Variants in SFR1 observed in about 807,000 individuals in gnomAD.
SFR1 encodes the protein swi5-dependent recombination DNA repair protein 1 homolog.
A neutral mutation model predicts 26.2 loss-of-function variants in SFR1; 24 were observed. The ratio of observed to expected loss-of-function variants is 0.92; its 90% CI spans 0.66 to 1.29. The LOEUF (loss-of-function observed/expected upper bound fraction) is 1.29. SFR1 is among the 50% of genes most tolerant of loss of function. The probability of loss-of-function intolerance (pLI) is 0.00; values close to 1 mark genes in which losing one functional copy is unlikely to be tolerated. For synonymous variants in SFR1, 77 were observed against 96.6 expected (o/e 0.80, Z 1.19); for missense variants, 276 against 270.2 (o/e 1.02, Z -0.15).
chr10:104,123,778 A>G lies in SFR1; in HGVS notation c.200A>G (p.Asn67Ser), dbSNP rs765214852. ...KTRFSFNSSY[N>S]VVKRLKVESE... ...AGATTTTCATTTAATTCCTCTTACA[A>G]TGTGGTGAAACGTCTTAAAGTAGAG... The change falls in exon 3 of 4, where the codon AAT becomes AGT. Residue 67 changes from asparagine (N) to serine (S), a missense_variant. Physicochemically the swap from Asn to Ser is conservative, Grantham distance 46 (BLOSUM62 1). Coordinates refer to ENST00000369727, the MANE Select transcript of SFR1 (RefSeq NM_001002759.2). 128 of 1,610,598 alleles carry G rather than the reference A, an allele frequency of 7.9e-5. No homozygotes were observed. The highest frequency in any genetic ancestry group is 1.1e-4 in the Non-Finnish European group (124 of 1,179,016).
chr10:104,126,144 C>T lies in SFR1; in HGVS notation c.*440C>T, dbSNP rs569501228. 4 of 152,772 alleles carry T rather than the reference C, an allele frequency of 2.6e-5. No homozygotes were observed. Among genetic ancestry groups the T allele is most frequent in the South Asian group, 2.1e-4 (1 of 4,836 alleles). 9.5% of individuals were successfully genotyped at this position (152,772 alleles called of 1,614,324 possible). On this transcript the variant is annotated 3_prime_UTR_variant, in exon 4 of 4. Coordinates refer to ENST00000369727, the MANE Select transcript of SFR1 (RefSeq NM_001002759.2). ...AGTATTTTGGATAGATTTGTCAAAA[C>T]GACATTTAAGTCATGTTTAAAAAGT...
At chr10:104,122,159 G>A (rs1160998328), upstream of SFR1, 3 of 1,547,860 alleles carry the variant, frequency 1.9e-6, no homozygotes, top group Admixed American at 2.0e-5. Context: ...CCGCAGGTGC[G>A]CGCGCTTTTT....
At chr10:104,123,499 T>G (rs1209812031) in intron 2 of SFR1, 7 of 445,010 alleles carry the variant, frequency 1.6e-5, no homozygotes, top group Non-Finnish European at 2.8e-5. Flanking sequence ...TCAACACTTT[T>G]GGAAAGGTGT....
Position 104,125,590 on chromosome 10 carries a change from A to T in SFR1, c.624A>T (p.Ser208=), listed in dbSNP as rs529336619. 1 of 1,613,838 alleles carries T rather than the reference A, an allele frequency of 6.2e-7. No homozygotes were observed. The highest frequency in any genetic ancestry group is 1.7e-5 in the Admixed American group (1 of 60,010). Residue 208 remains serine, a synonymous_variant, in exon 4 of 4, where the codon TCA becomes TCT. Transcript: ENST00000369727. ...AGCTCTTGCTTTATGAGTTGCAGTCAGCTGTGTCTGAAGAGAACAAGAAAC... is the reference window on the plus strand; with the variant it reads ...AGCTCTTGCTTTATGAGTTGCAGTCTGCTGTGTCTGAAGAGAACAAGAAAC... ...CSQLLLYELQ[S]AVSEENKKLS...
At chr10:104,122,778 G>C (rs982035954) in intron 1 of SFR1, 187 bp from the exon 2 acceptor site, 1 of 1,502,474 alleles carries the variant, frequency 6.7e-7, no homozygotes, top group African/African-American at 1.4e-5. Context: ...GAAAAACTTA[G>C]TGGTCCCTAT....
In SFR1 at chr10:104,123,067, C is replaced by A; in HGVS notation, c.116C>A (p.Thr39Lys). 1 of 1,572,744 alleles carries A rather than the reference C, an allele frequency of 6.4e-7. No homozygotes were observed. The highest frequency in any genetic ancestry group is 8.6e-7 in the Non-Finnish European group (1 of 1,162,894). ...TCTGCGAATCCATCATCTCCCTATA[C>A]AAATAGTTCCCGAAAACAAGTATGA... The part of the protein sequence containing the change: ...QASANPSSPY[T>K]NSSRKQPMSA... The change falls in exon 2 of 4, where the codon ACA becomes AAA. Residue 39 changes from threonine to lysine, a missense_variant. Transcript: ENST00000369727.
In SFR1 at chr10:104,122,855, A is replaced by G. The variant is rs973182558; in HGVS notation, c.14-110A>G. On this transcript the variant is annotated intron_variant, in intron 1 of 3. Transcript: ENST00000369727. ...ATTACAAAGTGAAATTAGAAGAAAT[A>G]TCTGGCTTACTTGTGGATGCTTTGT... 15 of 1,551,804 alleles carry G rather than the reference A, an allele frequency of 9.7e-6. No individual in the cohort carries two copies. The African/African-American group carries it at 2.0e-4, about 21-fold the overall frequency.
Position 104,122,243 on chromosome 10 carries a change from C to T in SFR1, c.13+47C>T, listed in dbSNP as rs370401225. On this transcript the variant is annotated intron_variant, in intron 1 of 3. Coordinates refer to ENST00000369727, the MANE Select transcript of SFR1 (RefSeq NM_001002759.2). ...GGGATCCCTGACACCTGGGCTTCCC[C>T]GGGAGTCGGCTGTGGAGTCGAGTTG... The T allele has an allele frequency of 6.0e-6, 9 of 1,512,488 alleles. No individual in the cohort carries two copies. The African/African-American group carries it at 8.5e-5, about 14-fold the overall frequency. 93.7% of individuals were successfully genotyped at this position (1,512,488 alleles called of 1,614,324 possible).
chr10:104,124,065 G>C lies in SFR1; in HGVS notation c.487G>C (p.Val163Leu). ...NAEKAKLVKQ[V>L]QEKEDLLRRL... ...TGAAAAAGCCAAATTGGTGAAGCAGGTTCAGGAGAAAGAAGACCTTCTTCG... is the reference window on the plus strand; with the variant it reads ...TGAAAAAGCCAAATTGGTGAAGCAGCTTCAGGAGAAAGAAGACCTTCTTCG... Residue 163 changes from valine to leucine, a missense_variant, in exon 3 of 4, where the codon GTT becomes CTT. Physicochemically the swap from Val to Leu is conservative, Grantham distance 32. Coordinates refer to ENST00000369727, the MANE Select transcript of SFR1 (RefSeq NM_001002759.2). 6.2e-7 allele frequency: 1 copy of C among 1,613,808 alleles called. No individual in the cohort carries two copies. Among genetic ancestry groups the C allele is most frequent in the African/African-American group, 1.3e-5 (1 of 75,044 alleles).
In SFR1 at chr10:104,123,167, G is replaced by C. The variant is rs543899036; in HGVS notation, c.135+81G>C. 39 of 1,123,402 alleles carry C rather than the reference G, an allele frequency of 3.5e-5. No homozygotes were observed. In the African/African-American group the frequency reaches 5.8e-4, roughly 17 times the overall value. The allele number at this position is 1,123,402 out of a possible 1,614,324, so 69.6% of individuals were successfully genotyped here. A position where few individuals can be genotyped will look rare whatever the true frequency, so the allele number is the denominator to read the frequency against. On this transcript the variant is annotated intron_variant, in intron 2 of 3. Coordinates refer to ENST00000369727, the MANE Select transcript of SFR1 (RefSeq NM_001002759.2). ...CAGTGGTGGTTTAAATTCTACGGAA[G>C]GTTGTTAATTAACATAATGTGTAGC... is the stretch of plus-strand genomic sequence containing the variant.
chr10:104,121,697 G>A (rs1284615662), upstream of SFR1, among the ~76,000 whole-genome samples: 3 of 152,206 alleles, frequency 2.0e-5, no homozygotes, highest in Non-Finnish European at 4.4e-5. Context: ...GGAGGCGGCG[G>A]GCTGGCGGGG....
chr10:104,125,021 T>G (rs1041492151), intron 3 of SFR1, among the ~76,000 whole-genome samples: 8 of 152,310 alleles, frequency 5.3e-5, no homozygotes, highest in Admixed American at 2.0e-4. Flanking sequence ...CAGTGTAGTC[T>G]TGAACTCCTG....
At chr10:104,121,110 G>T (rs1241827162), upstream of SFR1, among the ~76,000 whole-genome samples, 6 of 150,820 alleles carry the variant, frequency 4.0e-5, no homozygotes, top group South Asian at 2.1e-4. Flanking sequence ...GCGGGGCGCG[G>T]GGGGGGGATT....
chr10:104,124,552 A>AAT (rs60412949), intron 3 of SFR1, among the ~76,000 whole-genome samples: 2,385 of 147,758 alleles, frequency 0.016, 27 homozygotes, highest in Non-Finnish European at 0.018. Context: ...TATTTGAGAA[A>AAT]ATATATATAT....
intron 3 of SFR1, among the ~76,000 whole-genome samples, chr10:104,124,603 T>A (rs2087005820): frequency 6.6e-6 from 1 of 151,086 alleles, no homozygotes; most frequent in South Asian, 2.1e-4. Context: ...ATAGGTTGAA[T>A]TAAATAGAAC....
chr10:104,122,159 G>T (rs1160998328), upstream of SFR1: 7 of 1,547,860 alleles, frequency 4.5e-6, no homozygotes, highest in South Asian at 8.3e-5. Flanking sequence ...CCGCAGGTGC[G>T]CGCGCTTTTT....
chr10:104,121,193 A>C (rs528452590), upstream of SFR1, among the ~76,000 whole-genome samples: 9 of 152,140 alleles, frequency 5.9e-5, no homozygotes, highest in East Asian at 1.7e-3. Context: ...TTTTGGACCG[A>C]CACAATCTCA....
At chr10:104,123,266 C>T (rs1003553853) in intron 2 of SFR1, 180 bp downstream of exon 2, 1 of 515,462 alleles carries the variant, frequency 1.9e-6, no homozygotes, top group Non-Finnish European at 3.4e-6. Flanking sequence ...CACCAGCCCC[C>T]TTCCATATTT....
Position 104,123,882 on chromosome 10 carries a change from T to G in SFR1, c.304T>G (p.Phe102Val). ...AAACTGTTTGGAATTTCAAGAAAGT[T>G]TTAAACATATAGACAGTGAATTTGA... is the stretch of plus-strand genomic sequence containing the variant. Reference protein sequence around the residue: ...EENCLEFQESFKHIDSEFEEN... With the variant: ...EENCLEFQESVKHIDSEFEEN... The change falls in exon 3 of 4, where the codon TTT becomes GTT. Residue 102 changes from phenylalanine to valine, a missense_variant. Coordinates refer to ENST00000369727, the MANE Select transcript of SFR1 (RefSeq NM_001002759.2). The G allele has an allele frequency of 6.2e-6, 10 of 1,613,192 alleles. No homozygotes were observed. The highest frequency in any genetic ancestry group is 8.5e-6 in the Non-Finnish European group (10 of 1,179,804).
Sources: gnomAD v4.1 joint callset for allele counts (sites outside exome capture counted in the v4.1 genomes callset) on GRCh38, gnomAD v4.1.1 for gene constraint, MANE v1.5 for transcripts, NCBI Gene and HGNC (gene_info 2026-07-23, HGNC 2026-07-21) for gene names.